Variants in TMEM74 observed in about 807,000 individuals in gnomAD.
The protein encoded by TMEM74 is transmembrane protein 74.
Under a neutral mutation model 18.1 loss-of-function variants are expected in TMEM74, and 13 were observed. The observed-to-expected ratio is 0.72, with a 90% confidence interval of 0.47 to 1.14. The LOEUF (loss-of-function observed/expected upper bound fraction) is 1.14. Ranked by LOEUF, TMEM74 falls within the 50% of genes most tolerant of loss-of-function variation. The pLI is 0.00. For missense variants in TMEM74, 372 were observed against 375.9 expected (o/e 0.99, Z 0.09); for synonymous variants, 159 against 146.6 (o/e 1.08, Z -0.61).
intron 1 of TMEM74, among the ~76,000 whole-genome samples, chr8:108,737,307 G>T (rs1813758101): frequency 1.3e-5 from 2 of 152,034 alleles, no homozygotes; most frequent in South Asian, 4.1e-4. Flanking sequence ...GTTTCTTCTT[G>T]TTCCTTTATT....
chr8:108,699,689 T>TTGCTGTA (rs1813316800), intron 1 of TMEM74, among the ~76,000 whole-genome samples: 1 of 152,218 alleles, frequency 6.6e-6, no homozygotes, highest in Non-Finnish European at 1.5e-5. Context: ...TGCTTTGCTG[T>TTGCTGTA]ACAATGCCTA....
intron 2 of TMEM74, among the ~76,000 whole-genome samples, chr8:108,635,447 C>G (rs536235430): frequency 9.9e-5 from 15 of 152,122 alleles, no homozygotes; most frequent in Non-Finnish European, 5.9e-5. Flanking sequence ...TGTTCAGAAG[C>G]CTGAAGTAGG....
chr8:108,679,076 C>T (rs1168503203), intron 1 of TMEM74, among the ~76,000 whole-genome samples: 2 of 152,070 alleles, frequency 1.3e-5, no homozygotes, highest in Admixed American at 6.6e-5. Flanking sequence ...AGGACATGAA[C>T]TCTTCATTTT....
intron 1 of TMEM74, among the ~76,000 whole-genome samples, chr8:108,785,484 T>A (rs1337495342): frequency 6.6e-6 from 1 of 152,170 alleles, no homozygotes; most frequent in Non-Finnish European, 1.5e-5. Flanking sequence ...AGAAGGCAAG[T>A]TTCCTGTAAA....
chr8:108,616,522 A>C (rs1355302166), intron 2 of TMEM74, among the ~76,000 whole-genome samples: 4 of 152,198 alleles, frequency 2.6e-5, no homozygotes, highest in Non-Finnish European at 5.9e-5. Context: ...TTAAATAGGC[A>C]ATTCTGATAT....
intron 1 of TMEM74, among the ~76,000 whole-genome samples, chr8:108,737,940 T>A (rs997004945): frequency 6.6e-6 from 1 of 152,322 alleles, no homozygotes; most frequent in East Asian, 1.9e-4. Flanking sequence ...CTTTCAGCCC[T>A]GTACTCACCT....
chr8:108,738,163 T>A (rs1813766361), intron 1 of TMEM74, among the ~76,000 whole-genome samples: 4 of 152,180 alleles, frequency 2.6e-5, no homozygotes, highest in Admixed American at 2.6e-4. Context: ...ATGGCCCCAA[T>A]TTTAACCATG....
chr8:108,768,689 T>C lies in TMEM74; in HGVS notation n.119+18787A>G, dbSNP rs547918043. Among the ~76,000 whole-genome samples the C allele has an allele frequency of 4.0e-3, 616 of 152,248 alleles. 2 individuals are homozygous for C. The highest frequency in any genetic ancestry group is 0.014 in the African/African-American group (568 of 41,552). On this transcript the variant is annotated intron_variant and non_coding_transcript_variant, in intron 1 of 3. Coordinates refer to the TMEM74 transcript ENST00000518838. ...CTGGGAAAAACTGAAAGTGAGCCAG[T>C]GCATATGAGGGTCCGCTTTTCTGCT...
At chr8:108,674,795 C>T (rs1030833978) in intron 1 of TMEM74, among the ~76,000 whole-genome samples, 1 of 152,204 alleles carries the variant, frequency 6.6e-6, no homozygotes, top group Non-Finnish European at 1.5e-5. Context: ...AATTGTCCTC[C>T]GTAGAGTTGT....
intron 1 of TMEM74, among the ~76,000 whole-genome samples, chr8:108,740,346 A>G (rs1043554054): frequency 2.6e-5 from 4 of 152,186 alleles, no homozygotes; most frequent in African/African-American, 9.7e-5. Context: ...CTAGGCTTCT[A>G]ATGACCTAAC....
intron 1 of TMEM74, among the ~76,000 whole-genome samples, chr8:108,680,259 A>C (rs1402945239): frequency 6.6e-6 from 1 of 152,220 alleles, no homozygotes; most frequent in Non-Finnish European, 1.5e-5. Flanking sequence ...TTGATGCAAA[A>C]ATCCTCAATA....
At chr8:108,639,236 G>A (rs1398041491) in intron 2 of TMEM74, among the ~76,000 whole-genome samples, 3 of 152,088 alleles carry the variant, frequency 2.0e-5, no homozygotes, top group Non-Finnish European at 2.9e-5. Flanking sequence ...ATAGTTACCT[G>A]GTACATGTAG....
chr8:108,769,996 T>G (rs1443369796), intron 1 of TMEM74, among the ~76,000 whole-genome samples: 1 of 152,072 alleles, frequency 6.6e-6, no homozygotes, highest in Admixed American at 6.6e-5. Flanking sequence ...ACAAATATCT[T>G]TTATGGAGTT....
rs150278592 is a variant in TMEM74 at position 108,702,799 on chromosome 8, A to G, written n.120-47362T>C. On this transcript the variant is annotated intron_variant and non_coding_transcript_variant, in intron 1 of 3. Transcript: ENST00000518838. ...ATTTGATGACGACTTTTTAGATACTATATCAAAAAGACAATCCATGAAATA... is the reference window on the plus strand; with the variant it reads ...ATTTGATGACGACTTTTTAGATACTGTATCAAAAAGACAATCCATGAAATA... Among the ~76,000 whole-genome samples the G allele has an allele frequency of 2.7e-3, 370 of 139,566 alleles. 2 individuals are homozygous for G. The highest frequency in any genetic ancestry group is 3.8e-3 in the Non-Finnish European group (251 of 65,928). 91.6% of individuals were successfully genotyped at this position (139,566 alleles called of 152,430 possible). A position where few individuals can be genotyped will look rare whatever the true frequency, so the allele number is the denominator to read the frequency against.
intron 1 of TMEM74, among the ~76,000 whole-genome samples, chr8:108,716,887 A>T (rs776516193): frequency 2.6e-5 from 4 of 151,862 alleles, no homozygotes; most frequent in Non-Finnish European, 4.4e-5. Flanking sequence ...GAGAGGGAAC[A>T]CTGAAATATT....
chr8:108,761,418 T>C (rs1481103122), intron 1 of TMEM74, among the ~76,000 whole-genome samples: 1 of 152,140 alleles, frequency 6.6e-6, no homozygotes, highest in Non-Finnish European at 1.5e-5. Context: ...TTATTAATAA[T>C]GATCTATGAA....
chr8:108,714,266 T>G (rs936967708), intron 1 of TMEM74, among the ~76,000 whole-genome samples: 4 of 152,186 alleles, frequency 2.6e-5, no homozygotes, highest in Admixed American at 6.5e-5. Flanking sequence ...AATGTATAGA[T>G]ATTCTAGAGG....
chr8:108,718,834 C>T (rs180916457), intron 1 of TMEM74, among the ~76,000 whole-genome samples: 5 of 151,890 alleles, frequency 3.3e-5, no homozygotes, highest in African/African-American at 1.2e-4. Context: ...TTTACACATG[C>T]AATTTATATT....
chr8:108,776,115 G>A (rs567755942), downstream of TMEM74, among the ~76,000 whole-genome samples: 271 of 152,342 alleles, frequency 1.8e-3, 1 homozygote, highest in African/African-American at 6.1e-3. Context: ...AATCTTTTAA[G>A]TTTTAGCTCT....
Sources: gnomAD v4.1 joint callset for allele counts (sites outside exome capture counted in the v4.1 genomes callset) on GRCh38, gnomAD v4.1.1 for gene constraint, MANE v1.5 for transcripts, NCBI Gene and HGNC (gene_info 2026-07-23, HGNC 2026-07-21) for gene names.